Variants in FBLN1 observed in about 807,000 individuals in gnomAD.
FBLN1 encodes fibulin 1.
In FBLN1, 34 loss-of-function variants were observed where a neutral mutation model predicts 89.7. That is an observed-to-expected ratio of 0.38 (90% CI 0.29 to 0.50). The LOEUF (loss-of-function observed/expected upper bound fraction) is 0.50, where lower values mean the gene tolerates loss of function less well. Among genes scored for constraint, FBLN1 ranks in the 20% least tolerant of loss-of-function variants. The pLI is 0.92. For missense variants in FBLN1, 777 were observed against 988.1 expected (o/e 0.79, Z 2.86); for synonymous variants, 393 against 391.3 (o/e 1.00, Z -0.05).
chr22:45,535,088 T>A, intron 7 of FBLN1, 112 bp from the exon 8 acceptor site: 1 of 1,230,906 alleles, frequency 8.1e-7, no homozygotes. Flanking sequence ...ATGTTTTGGG[T>A]TATAGTCTGA....
chr22:45,519,702 C>T (rs929353433), intron 2 of FBLN1, among the ~76,000 whole-genome samples: 1 of 152,058 alleles, frequency 6.6e-6, no homozygotes, highest in Admixed American at 6.5e-5. Context: ...GTGAAAACCC[C>T]AGAATGCCCG....
At chr22:45,508,968 G>C (rs935689930) in intron 1 of FBLN1, among the ~76,000 whole-genome samples, 1 of 152,204 alleles carries the variant, frequency 6.6e-6, no homozygotes, top group African/African-American at 2.4e-5. Flanking sequence ...CCATGTGCAT[G>C]CGTGTATATG....
chr22:45,527,787 G>A (rs903473795), intron 3 of FBLN1, 60 bp from the exon 4 acceptor site: 31 of 1,601,754 alleles, frequency 1.9e-5, no homozygotes, highest in East Asian at 8.9e-5. Flanking sequence ...GAGGCCTCTC[G>A]TGGACCCCGC....
intron 14 of FBLN1, among the ~76,000 whole-genome samples, chr22:45,570,983 TG>T (rs1397987604): frequency 6.6e-6 from 1 of 151,728 alleles, no homozygotes; most frequent in Non-Finnish European, 1.5e-5. Flanking sequence ...AAAATTAGCA[TG>T]GTGGTGCACG....
At chr22:45,554,645 A>T (rs541609403) in intron 14 of FBLN1, among the ~76,000 whole-genome samples, 1 of 152,358 alleles carries the variant, frequency 6.6e-6, no homozygotes, top group East Asian at 1.9e-4. Flanking sequence ...AAACTTAAAA[A>T]GCCAAAAGGG....
At position 45,561,426 on chromosome 22, in the gene FBLN1, G is replaced by A. The variant is rs1384522630; in HGVS notation, c.1697+10811G>A. 1.3e-5 allele frequency among the ~76,000 whole-genome samples: 2 copies of A among 152,172 alleles called. No homozygotes were observed. The highest frequency in any genetic ancestry group is 4.8e-5 in the African/African-American group (2 of 41,438). Reference sequence around the variant, plus strand: ...TTATGTTCCTTGGTTCTCCACATATGATCAAAGATATTATGTATAGAGTCA... The same window carrying A: ...TTATGTTCCTTGGTTCTCCACATATAATCAAAGATATTATGTATAGAGTCA... On this transcript the variant is annotated intron_variant, in intron 14 of 16. Coordinates refer to ENST00000327858, the MANE Select transcript of FBLN1 (RefSeq NM_006486.3). The surrounding 1 kb of genome is among the most constrained non-coding windows in gnomAD (Gnocchi z 4.7).
intron 16 of FBLN1, among the ~76,000 whole-genome samples, chr22:45,596,059 C>T (rs9626174): frequency 0.21 from 31,769 of 152,072 alleles, 7,027 homozygotes; most frequent in African/African-American, 0.56. Context: ...TTAGTAGAGA[C>T]GGGGTTTCAC....
rs986061334 is a variant in FBLN1, at chr22:45,583,800, G to A, written c.1972+6692G>A. On this transcript the variant is annotated intron_variant, in intron 16 of 16. Coordinates refer to ENST00000327858, the MANE Select transcript of FBLN1 (RefSeq NM_006486.3). The surrounding 1 kb of genome is among the most constrained non-coding windows in gnomAD (Gnocchi z 4.5). ...GCGCCTGCAGCATGAGAGAGAGAGA[G>A]AATGAGAGAGAGAGACAGAGAGAGA... Among the ~76,000 whole-genome samples, 8 of 152,016 alleles carry A rather than the reference G, an allele frequency of 5.3e-5. No homozygotes were observed. Among genetic ancestry groups the A allele is most frequent in the African/African-American group, 1.9e-4 (8 of 41,396 alleles).
chr22:45,542,552 G>A (rs1199359554), intron 10 of FBLN1, among the ~76,000 whole-genome samples: 1 of 152,158 alleles, frequency 6.6e-6, no homozygotes, highest in Non-Finnish European at 1.5e-5. Flanking sequence ...GGACCTCCAA[G>A]TGCTGATGAG....
chr22:45,547,269 G>T, intron 12 of FBLN1, 65 bp downstream of exon 12: 1 of 1,602,026 alleles, frequency 6.2e-7, no homozygotes. Context: ...ACAGCAGCAC[G>T]GCCTCTGACT....
At chr22:45,584,360 C>A (rs1362833767) in intron 16 of FBLN1, among the ~76,000 whole-genome samples, 1 of 152,166 alleles carries the variant, frequency 6.6e-6, no homozygotes, top group Admixed American at 6.5e-5. Context: ...GTTTTGAAAT[C>A]GCATTTTAAA....
Position 45,503,063 on chromosome 22 carries a change from A to G in FBLN1, c.78A>G (p.Gly26=). The G allele has an allele frequency of 8.1e-7, 1 of 1,241,410 alleles. No individual in the cohort carries two copies. Among genetic ancestry groups the G allele is most frequent in the Non-Finnish European group, 1.0e-6 (1 of 992,828 alleles). The allele number at this position is 1,241,410 out of a possible 1,614,324, so 76.9% of individuals were successfully genotyped here. The change falls in exon 1 of 17, where the codon GGA becomes GGG. Residue 26 remains glycine (G), a splice_region_variant and synonymous_variant. Coordinates refer to ENST00000327858, the MANE Select transcript of FBLN1 (RefSeq NM_006486.3). ...LLGGLALLAA[G]VDADVLLEAC... ...GCGGCCTTGCGCTGCTGGCGGCCGG[A>G]GGTAGGGGCGTCCCGGGTCCGCCGC...
intron 12 of FBLN1, 140 bp from the exon 13 acceptor site, chr22:45,548,473 C>T (rs1760451103): frequency 8.7e-7 from 1 of 1,155,284 alleles, no homozygotes; most frequent in Non-Finnish European, 1.2e-6. Context: ...GCACGATGGT[C>T]TCTGAGGCTT....
rs1387078828 is a variant in FBLN1 at position 45,563,347 on chromosome 22, G to T, written c.1698-11164G>T. The T allele has an allele frequency of 6.2e-7, 1 of 1,601,140 alleles. No individual in the cohort carries two copies. The highest frequency in any genetic ancestry group is 1.3e-5 in the African/African-American group (1 of 74,908). ...CGGGGCGTTAATAAAGTCTTAGCAA[G>T]CGTCCCACACAGTGAGCCTCGCGTG... On this transcript the variant is annotated intron_variant, in intron 14 of 16. Transcript: ENST00000327858. The surrounding 1 kb of genome is among the most constrained non-coding windows in gnomAD (Gnocchi z 5.7).
chr22:45,547,421 G>A (rs1198035303), intron 12 of FBLN1, among the ~76,000 whole-genome samples: 5 of 123,748 alleles, frequency 4.0e-5, no homozygotes, highest in Non-Finnish European at 4.8e-5. Context: ...TTTGAGACAC[G>A]GTCTTGCTCT....
Position 45,548,615 on chromosome 22 carries a change from A to T in FBLN1, c.1444A>T (p.Ile482Phe), listed in dbSNP as rs568343780. Reference protein sequence around the residue: ...SDVDGVTCEDIDECALPTGGH... With the variant: ...SDVDGVTCEDFDECALPTGGH... ...TGAGGTGGGCTTTGCCGTTGCAGAC[A>T]TCGACGAGTGCGCCCTGCCCACCGG... is the stretch of plus-strand genomic sequence containing the variant. Residue 482 changes from isoleucine (I) to phenylalanine (F), a missense_variant and splice_region_variant, in exon 13 of 17, where the codon ATC becomes TTC. By Grantham distance (21) the Ile-to-Phe change is conservative. Coordinates refer to ENST00000327858, the MANE Select transcript of FBLN1 (RefSeq NM_006486.3). 1 of 1,613,590 alleles carries T rather than the reference A, an allele frequency of 6.2e-7. No homozygotes were observed. The highest frequency in any genetic ancestry group is 2.2e-5 in the East Asian group (1 of 44,872).
Position 45,563,261 on chromosome 22 carries a change from C to T in FBLN1, c.1698-11250C>T. 1 of 1,613,604 alleles carries T rather than the reference C, an allele frequency of 6.2e-7. No individual in the cohort carries two copies. The highest frequency in any genetic ancestry group is 8.5e-7 in the Non-Finnish European group (1 of 1,180,044). The stretch of plus-strand genomic sequence containing the variant: ...GCTTTTCATCTTTGTGTCTGCAGAG[C>T]TCTGAGCACTCGCTTCGCGTCGCGG... On this transcript the variant is annotated intron_variant, in intron 14 of 16. Transcript: ENST00000327858. This position sits in a 1 kb window ranked among gnomAD's most constrained non-coding sequence, Gnocchi z 5.7.
At chr22:45,596,125 T>C (rs1048873762) in intron 16 of FBLN1, among the ~76,000 whole-genome samples, 5 of 152,238 alleles carry the variant, frequency 3.3e-5, no homozygotes, top group Non-Finnish European at 5.9e-5. Context: ...CGCCTCGGCC[T>C]CCCAAAGTGC....
At chr22:45,555,272 A>AATATATATATAT (rs10648791) in intron 14 of FBLN1, among the ~76,000 whole-genome samples, 16 of 44,594 alleles carry the variant, frequency 3.6e-4, no homozygotes, top group Middle Eastern at 0.021. Flanking sequence ...TATAAAATGG[A>AATATATATATAT]ATATATATAT....
Sources: allele counts gnomAD v4.1 joint callset (sites outside exome capture counted in the v4.1 genomes callset), GRCh38; gene constraint gnomAD v4.1.1; non-coding constraint Gnocchi (gnomAD v3.1); transcripts MANE v1.5; gene names NCBI Gene and HGNC (gene_info 2026-07-23, HGNC 2026-07-21).